Variants in SNX29 observed in about 807,000 individuals in gnomAD.
SNX29 encodes the protein sorting nexin 29.
SNX29 carries 78 observed loss-of-function variants against 102.1 expected under a neutral mutation model. The ratio of observed to expected loss-of-function variants is 0.76; its 90% confidence interval spans 0.64 to 0.92. SNX29 has a LOEUF of 0.92. Among genes scored for constraint, SNX29 ranks in the 40% least tolerant of loss-of-function variants. The pLI is 0.00. For synonymous variants in SNX29, 580 were observed against 414.5 expected, an observed-to-expected ratio of 1.40 and a Z score of -4.85; for missense variants, 1,280 against 1,061.7, an observed-to-expected ratio of 1.21 and a Z score of -2.86.
chr16:12,032,673 T>C (rs575844652), intron 4 of SNX29, among the ~76,000 whole-genome samples: 1 of 152,148 alleles, frequency 6.6e-6, no homozygotes, highest in Non-Finnish European at 1.5e-5. Flanking sequence ...TTTAGTTCTT[T>C]TGGGGCATAC....
In SNX29 at chr16:12,568,349, C is replaced by T. The variant is rs148241462; in HGVS notation, c.2319-157C>T. 1.3e-3 allele frequency among the ~76,000 whole-genome samples: 193 copies of T among 151,276 alleles called. 1 individual carries two copies. Among genetic ancestry groups the T allele is most frequent in the African/African-American group, 4.5e-3 (185 of 41,280 alleles). ...GGTTTACGTGACAATAGGGGTTTCT[C>T]ATTTCTTCAGGTGGCACCAGTTAGA... is the stretch of plus-strand genomic sequence containing the variant. On this transcript the variant is annotated intron_variant, in intron 20 of 20. Coordinates refer to ENST00000566228, the MANE Select transcript of SNX29 (RefSeq NM_032167.5).
At chr16:11,989,798 G>T (rs910796209) in intron 1 of SNX29, among the ~76,000 whole-genome samples, 2 of 152,248 alleles carry the variant, frequency 1.3e-5, no homozygotes, top group Non-Finnish European at 2.9e-5. Context: ...AGGGCCATGG[G>T]AGCACTGTGT....
intron 9 of SNX29, among the ~76,000 whole-genome samples, chr16:12,063,116 T>TG (rs916899052): frequency 1.8e-4 from 27 of 151,748 alleles, no homozygotes; most frequent in Admixed American, 1.2e-3. Flanking sequence ...CCTGTGAGAG[T>TG]GGGGGGTGTG....
At chr16:12,346,903 CAT>C (rs1162111898) in intron 15 of SNX29, among the ~76,000 whole-genome samples, 1 of 152,108 alleles carries the variant, frequency 6.6e-6, no homozygotes, top group African/African-American at 2.4e-5. Flanking sequence ...TGAAAGGCCA[CAT>C]GTCGGGAGAA....
At chr16:12,285,131 G>C (rs927552706) in intron 15 of SNX29, among the ~76,000 whole-genome samples, 6 of 152,192 alleles carry the variant, frequency 3.9e-5, no homozygotes, top group African/African-American at 1.2e-4. Flanking sequence ...TACCAGCGGT[G>C]CTCTCACTTA....
chr16:12,056,375 G>C (rs998027490), intron 8 of SNX29, among the ~76,000 whole-genome samples: 2 of 152,160 alleles, frequency 1.3e-5, no homozygotes, highest in Non-Finnish European at 2.9e-5. Context: ...GCAGACTCTG[G>C]ACAGCTCTCC....
At chr16:12,040,582 A>G (rs2049839732) in intron 4 of SNX29, among the ~76,000 whole-genome samples, 1 of 152,130 alleles carries the variant, frequency 6.6e-6, no homozygotes, top group Non-Finnish European at 1.5e-5. Context: ...TTCGTAAGGA[A>G]CTAGGAATGA....
chr16:12,277,502 A>G (rs1445069588), intron 14 of SNX29, among the ~76,000 whole-genome samples: 1 of 152,242 alleles, frequency 6.6e-6, no homozygotes, highest in Non-Finnish European at 1.5e-5. Flanking sequence ...AATGGAAAGT[A>G]GTGACAAGAT....
At position 12,569,087 on chromosome 16, in the gene SNX29, T is replaced by A. The variant is rs2079128649; in HGVS notation, c.*458T>A. On this transcript the variant is annotated 3_prime_UTR_variant, in exon 21 of 21. Transcript: ENST00000566228. ...AGCCTCTCCTTTTGCTTTTTAAGGT[T>A]ATTACCTGGCCTAACCTAGGGATGG... 6.3e-6 allele frequency: 1 copy of A among 159,128 alleles called. No homozygotes were observed. Among genetic ancestry groups the A allele is most frequent in the African/African-American group, 2.8e-5 (1 of 35,172 alleles). 9.9% of individuals were successfully genotyped at this position (159,128 alleles called of 1,614,324 possible). A position where few individuals can be genotyped will look rare whatever the true frequency, so the allele number is the denominator to read the frequency against.
intron 20 of SNX29, among the ~76,000 whole-genome samples, chr16:12,543,262 G>A (rs903916862): frequency 6.6e-6 from 1 of 152,170 alleles, no homozygotes; most frequent in Non-Finnish European, 1.5e-5. Flanking sequence ...GCAGCTCTGG[G>A]TCATCAGCGC....
intron 13 of SNX29, among the ~76,000 whole-genome samples, chr16:12,145,928 C>G (rs1487471286): frequency 6.6e-6 from 1 of 152,200 alleles, no homozygotes; most frequent in Non-Finnish European, 1.5e-5. Flanking sequence ...TTTCCTTCAG[C>G]TAGATTCCAA....
chr16:12,151,503 G>T (rs2055300088), intron 13 of SNX29, among the ~76,000 whole-genome samples: 1 of 152,122 alleles, frequency 6.6e-6, no homozygotes, highest in African/African-American at 2.4e-5. Flanking sequence ...TCCCTGGCCT[G>T]CATGTTCTGC....
At chr16:12,356,401 C>T (rs9933058) in intron 16 of SNX29, 122 bp downstream of exon 16, 20,104 of 765,042 alleles carry the variant, frequency 0.026, 783 homozygotes, top group African/African-American at 0.14. Context: ...CCCACATTCA[C>T]CTCTGCCACA....
chr16:12,244,658 G>C (rs993548424), intron 14 of SNX29, among the ~76,000 whole-genome samples: 1 of 152,080 alleles, frequency 6.6e-6, no homozygotes. Context: ...AGGGTTTCTT[G>C]TGTGCTTCCT....
intron 14 of SNX29, among the ~76,000 whole-genome samples, chr16:12,235,165 T>C (rs1161218157): frequency 1.3e-5 from 2 of 152,160 alleles, no homozygotes; most frequent in Non-Finnish European, 2.9e-5. Flanking sequence ...TTGCAGTCAG[T>C]TGGAAACAGG....
intron 15 of SNX29, among the ~76,000 whole-genome samples, chr16:12,316,291 G>A (rs896593819): frequency 2.0e-5 from 3 of 152,124 alleles, no homozygotes; most frequent in Non-Finnish European, 2.9e-5. Flanking sequence ...GGGAGGCCAG[G>A]GTGGGTGGAT....
At chr16:12,454,798 C>T (rs2086464560) in intron 18 of SNX29, among the ~76,000 whole-genome samples, 1 of 152,164 alleles carries the variant, frequency 6.6e-6, no homozygotes, top group African/African-American at 2.4e-5. Context: ...CGGCTCACTG[C>T]AACCTCTGCC....
chr16:12,541,281 A>C (rs2077326749), intron 20 of SNX29, among the ~76,000 whole-genome samples: 1 of 152,170 alleles, frequency 6.6e-6, no homozygotes. Flanking sequence ...GGAGCAGGGG[A>C]ATACCACTAA....
chr16:12,572,347 G>A lies in SNX29; in HGVS notation c.*3718G>A, dbSNP rs1308465602. On this transcript the variant is annotated 3_prime_UTR_variant, in exon 21 of 21. Coordinates refer to ENST00000566228, the MANE Select transcript of SNX29 (RefSeq NM_032167.5). ...GTGAAGCCCACCAGCCTGCCTGGTT[G>A]ATGGACAGCAGGCTCTGCCTTCTGG... 8 of 1,062,902 alleles carry A rather than the reference G, an allele frequency of 7.5e-6. No individual in the cohort carries two copies. Among genetic ancestry groups the A allele is most frequent in the Admixed American group, 5.4e-5 (1 of 18,674 alleles). The allele number at this position is 1,062,902 out of a possible 1,614,324, so 65.8% of individuals were successfully genotyped here.
Sources: gnomAD v4.1 joint callset for allele counts (sites outside exome capture counted in the v4.1 genomes callset) on GRCh38, gnomAD v4.1.1 for gene constraint, MANE v1.5 for transcripts, NCBI Gene and HGNC (gene_info 2026-07-23, HGNC 2026-07-21) for gene names.